Variants in SCARB2 observed in about 807,000 individuals in gnomAD.
SCARB2 encodes scavenger receptor class B member 2, also known as lysosome membrane protein 2.
In SCARB2, 29 loss-of-function variants were observed where a neutral mutation model predicts 58.6. The observed-to-expected ratio is 0.49, with a 90% CI of 0.37 to 0.67. The LOEUF (loss-of-function observed/expected upper bound fraction) is 0.67. SCARB2 is among the 30% of genes least tolerant of loss of function. The pLI is 0.00. For missense variants in SCARB2, 488 were observed against 578.5 expected (o/e 0.84, Z 1.60); for synonymous variants, 195 against 210.1 (o/e 0.93, Z 0.62).
At position 76,175,785 on chromosome 4, in the gene SCARB2, T is replaced by G; in HGVS notation, c.824+6A>C. Reference sequence around the variant, plus strand: ...TTGAAAAAGAACTTATCTTTAAAGCTTTTACCTGCAAAAGTCAGATGGGAA... The same window carrying G: ...TTGAAAAAGAACTTATCTTTAAAGCGTTTACCTGCAAAAGTCAGATGGGAA... On this transcript the variant is annotated splice_donor_region_variant and intron_variant, in intron 6 of 11. Coordinates refer to ENST00000264896, the MANE Select transcript of SCARB2 (RefSeq NM_005506.4). 2 of 1,613,912 alleles carry G rather than the reference T, an allele frequency of 1.2e-6. No homozygotes were observed.
At chr4:76,228,099 T>TC (rs1733429636) in intron 1 of SCARB2, among the ~76,000 whole-genome samples, 2 of 151,578 alleles carry the variant, frequency 1.3e-5, no homozygotes, top group Non-Finnish European at 2.9e-5. Context: ...CCTTTTTTTT[T>TC]CATTGTGTTG....
chr4:76,208,714 G>C (rs1356978852), intron 1 of SCARB2, among the ~76,000 whole-genome samples: 1 of 152,160 alleles, frequency 6.6e-6, no homozygotes, highest in Non-Finnish European at 1.5e-5. Flanking sequence ...ATTTCTATGA[G>C]CTTCCCCTTC....
At chr4:76,168,564 T>C in intron 8 of SCARB2, 88 bp from the exon 9 acceptor site, 1 of 1,087,396 alleles carries the variant, frequency 9.2e-7, no homozygotes, top group Admixed American at 1.7e-5. Context: ...TGTGTAGTCC[T>C]CATAAACAAG....
intron 1 of SCARB2, among the ~76,000 whole-genome samples, chr4:76,224,211 A>G (rs1733355653): frequency 6.6e-6 from 1 of 152,236 alleles, no homozygotes; most frequent in African/African-American, 2.4e-5. Flanking sequence ...AAGACTTGAC[A>G]GCACCATTGT....
At chr4:76,199,420 T>C (rs1732783753) in intron 1 of SCARB2, among the ~76,000 whole-genome samples, 2 of 152,218 alleles carry the variant, frequency 1.3e-5, no homozygotes, top group Non-Finnish European at 2.9e-5. Flanking sequence ...TCATAGGAGA[T>C]GCATGCTGAA....
chr4:76,209,133 GT>G (rs1231732163), intron 1 of SCARB2, among the ~76,000 whole-genome samples: 1 of 152,106 alleles, frequency 6.6e-6, no homozygotes, highest in Non-Finnish European at 1.5e-5. Flanking sequence ...ATCTTTACAG[GT>G]TTTTTTCTGA....
At chr4:76,207,187 G>C (rs1350948272) in intron 1 of SCARB2, among the ~76,000 whole-genome samples, 1 of 152,178 alleles carries the variant, frequency 6.6e-6, no homozygotes, top group Admixed American at 6.5e-5. Flanking sequence ...ATTTCTCTGA[G>C]TGTAGAGTGG....
intron 1 of SCARB2, among the ~76,000 whole-genome samples, chr4:76,227,564 G>A (rs935927461): frequency 1.3e-5 from 2 of 152,152 alleles, no homozygotes; most frequent in Admixed American, 6.5e-5. Context: ...TATAGTTTCA[G>A]TCCATTGTTT....
At position 76,175,799 on chromosome 4, in the gene SCARB2, G is replaced by A; in HGVS notation, c.816C>T (p.Asp272=). 1 of 1,614,000 alleles carries A rather than the reference G, an allele frequency of 6.2e-7. No homozygotes were observed. The highest frequency in any genetic ancestry group is 8.5e-7 in the Non-Finnish European group (1 of 1,179,992). The part of the protein sequence containing the change: ...KDEVLYVFPS[D]FCRSVYITFS... ...ATCTTTAAAGCTTTTACCTGCAAAA[G>A]TCAGATGGGAAGACATAAAGGACCT... The change falls in exon 6 of 12, where the codon GAC becomes GAT. Residue 272 remains aspartate (D), a synonymous_variant. Transcript: ENST00000264896.
At chr4:76,166,174 A>T in intron 10 of SCARB2, 76 bp downstream of exon 10, 1 of 1,384,266 alleles carries the variant, frequency 7.2e-7, no homozygotes, top group Non-Finnish European at 1.0e-6. Flanking sequence ...CTTACATGTA[A>T]CTACAACAGT....
In SCARB2 at chr4:76,228,414, G is replaced by T. The variant is rs919755003; in HGVS notation, c.-358+5889C>A. 4.0e-5 allele frequency among the ~76,000 whole-genome samples: 6 copies of T among 151,694 alleles called. No homozygotes were observed. The South Asian group carries it at 8.3e-4, about 21-fold the overall frequency. Reference sequence around the variant, plus strand: ...GAATCACTTGAACCCGGAAGGTGAAGGTTACAGCAAGCTGAGATTGTGCCA... The same window carrying T: ...GAATCACTTGAACCCGGAAGGTGAATGTTACAGCAAGCTGAGATTGTGCCA... On this transcript the variant is annotated intron_variant, in intron 1 of 11. Transcript: ENST00000638295.
At chr4:76,183,994 C>T (rs938229163) in intron 2 of SCARB2, among the ~76,000 whole-genome samples, 1 of 152,212 alleles carries the variant, frequency 6.6e-6, no homozygotes, top group African/African-American at 2.4e-5. Context: ...ATCACATATA[C>T]ACATATCACA....
upstream of SCARB2, chr4:76,214,181 C>G: frequency 2.2e-6 from 1 of 453,340 alleles, no homozygotes; most frequent in East Asian, 7.0e-5. Flanking sequence ...GGGACATTCC[C>G]CTGCTCTAGA....
At chr4:76,218,418 C>G (rs957810323), upstream of SCARB2, among the ~76,000 whole-genome samples, 1 of 152,200 alleles carries the variant, frequency 6.6e-6, no homozygotes, top group Non-Finnish European at 1.5e-5. Flanking sequence ...GAGGAGAGCT[C>G]ATATACCATT....
In SCARB2 at chr4:76,213,526, G is replaced by A. The variant is rs1733112720; in HGVS notation, c.18C>T (p.Phe6=). The A allele has an allele frequency of 2.5e-6, 4 of 1,610,364 alleles. No homozygotes were observed. Among genetic ancestry groups the A allele is most frequent in the African/African-American group, 1.3e-5 (1 of 74,914 alleles). MGRCC[F]YTAGTLSLLL... is the part of the protein sequence containing the mutation. ...GCAGGGACAACGTCCCCGCCGTGTAGAAGCAGCATCGGCCCATTCTGTGCG... is the reference window on the plus strand; with the variant it reads ...GCAGGGACAACGTCCCCGCCGTGTAAAAGCAGCATCGGCCCATTCTGTGCG... The change falls in exon 1 of 12, where the codon TTC becomes TTT. Residue 6 remains phenylalanine (F), a synonymous_variant. Coordinates refer to ENST00000264896, the MANE Select transcript of SCARB2 (RefSeq NM_005506.4).
At chr4:76,226,569 C>T (rs2109983095) in intron 1 of SCARB2, among the ~76,000 whole-genome samples, 1 of 152,156 alleles carries the variant, frequency 6.6e-6, no homozygotes, top group South Asian at 2.1e-4. Context: ...CTCTTTGGCA[C>T]AGAGCTTGGT....
At chr4:76,179,307 G>C (rs924577733) in intron 4 of SCARB2, 19 of 558,598 alleles carry the variant, frequency 3.4e-5, no homozygotes, top group African/African-American at 3.2e-4. Context: ...ACCCACCTCG[G>C]TCTCCCAAAG....
chr4:76,199,551 T>C (rs1262455111), intron 1 of SCARB2, among the ~76,000 whole-genome samples: 1 of 152,114 alleles, frequency 6.6e-6, no homozygotes. Flanking sequence ...AACCGAAATA[T>C]CACACGAGAC....
At position 76,213,735 on chromosome 4, in the gene SCARB2, G is replaced by T. The variant is rs1232997215; in HGVS notation, c.-192C>A. On this transcript the variant is annotated 5_prime_UTR_variant, in exon 1 of 12. Transcript: ENST00000264896. The stretch of plus-strand genomic sequence containing the variant: ...GAGCGCGGCCCCGGGTGCACCGGGC[G>T]GATGGGGCCGCGGAGGGACGGGCCC... The T allele has an allele frequency of 1.0e-5, 5 of 490,254 alleles. No homozygotes were observed. In the African/African-American group the frequency reaches 1.0e-4, roughly 10 times the overall value. The allele number at this position is 490,254 out of a possible 1,614,324, so 30.4% of individuals were successfully genotyped here. A position where few individuals can be genotyped will look rare whatever the true frequency, so the allele number is the denominator to read the frequency against.
Sources: gnomAD v4.1 joint callset for allele counts (sites outside exome capture counted in the v4.1 genomes callset) on GRCh38, gnomAD v4.1.1 for gene constraint, MANE v1.5 for transcripts, NCBI Gene and HGNC (gene_info 2026-07-23, HGNC 2026-07-21) for gene names.